ATRX: variants seen among roughly 807,000 people sequenced by gnomAD.
The protein encoded by ATRX is ATRX chromatin remodeler.
In ATRX, 12 loss-of-function variants were observed where a neutral mutation model predicts 172.6. The observed-to-expected ratio is 0.07, with a 90% confidence interval of 0.04 to 0.11. The LOEUF (loss-of-function observed/expected upper bound fraction) is 0.11, where lower values mean the gene tolerates loss of function less well. ATRX is among the 10% of genes least tolerant of loss of function. ATRX has a pLI of 1.00. For synonymous variants in ATRX, 674 were observed against 594.7 expected (o/e 1.13, Z -1.94); for missense variants, 1,368 against 1,767.4 (o/e 0.77, Z 4.05).
intron 30 of ATRX, among the ~76,000 whole-genome samples, chrX:77,524,448 G>C (rs782712887): frequency 5.0e-4 from 56 of 111,502 alleles, no homozygotes; most frequent in Non-Finnish European, 7.9e-4. Flanking sequence ...TTTTTGCATA[G>C]ACAAAGCCCA....
chrX:77,737,100 A>C (rs1183162661), intron 1 of ATRX, among the ~76,000 whole-genome samples: 2 of 103,997 alleles, frequency 1.9e-5, no homozygotes, highest in African/African-American at 3.5e-5. Context: ...TAATGGGTAC[A>C]AAAAAAAAAA....
intron 19 of ATRX, among the ~76,000 whole-genome samples, chrX:77,626,562 T>C (rs993955554): frequency 1.8e-5 from 2 of 112,038 alleles, no homozygotes; most frequent in Non-Finnish European, 3.8e-5. Context: ...CATTTGTATA[T>C]TTTTGCTGTA....
chrX:77,549,802 G>A (rs2064398786), intron 30 of ATRX, among the ~76,000 whole-genome samples: 1 of 111,899 alleles, frequency 8.9e-6, no homozygotes, highest in Admixed American at 9.5e-5. Context: ...AGCAGCAACA[G>A]TAAGAATCCA....
At chrX:77,678,635 C>T (rs2071033849) in intron 9 of ATRX, among the ~76,000 whole-genome samples, 2 of 110,915 alleles carry the variant, frequency 1.8e-5, no homozygotes, top group African/African-American at 6.6e-5. Flanking sequence ...TACAGGTGTG[C>T]GCCACTACAC....
At chrX:77,624,259 C>T (rs887906509) in intron 19 of ATRX, among the ~76,000 whole-genome samples, 5 of 110,732 alleles carry the variant, frequency 4.5e-5, no homozygotes, top group Admixed American at 2.9e-4. Flanking sequence ...CCCAGCTACT[C>T]GGGAGGCTGA....
At chrX:77,566,030 A>G (rs570006177) in intron 28 of ATRX, among the ~76,000 whole-genome samples, 3 of 111,041 alleles carry the variant, frequency 2.7e-5, no homozygotes, top group African/African-American at 9.8e-5. Flanking sequence ...CCATGGGACT[A>G]TAACAAAAGA....
At chrX:77,650,389 C>T (rs978963733) in intron 15 of ATRX, among the ~76,000 whole-genome samples, 4 of 111,610 alleles carry the variant, frequency 3.6e-5, no homozygotes, top group South Asian at 7.4e-4. Flanking sequence ...AACTGTACCA[C>T]AGGGATGCAA....
intron 30 of ATRX, among the ~76,000 whole-genome samples, chrX:77,552,404 T>G (rs145398872): frequency 2.2e-5 from 2 of 92,295 alleles, no homozygotes; most frequent in Non-Finnish European, 4.1e-5. Flanking sequence ...TAGGTGGGAA[T>G]TGAACAATGA....
At chrX:77,646,921 T>C (rs1239177257) in intron 15 of ATRX, among the ~76,000 whole-genome samples, 1 of 105,542 alleles carries the variant, frequency 9.5e-6, no homozygotes, top group Non-Finnish European at 1.9e-5. Flanking sequence ...AGACACTGTG[T>C]CTTTAAAAAA....
In ATRX at chrX:77,682,532, A is replaced by AAGG. The variant is rs782745601; in HGVS notation, c.2723_2724insCCT (p.Leu908dup). The AAGG allele has an allele frequency of 8.3e-7, 1 of 1,211,370 alleles. No homozygotes were observed. Among genetic ancestry groups the AAGG allele is most frequent in the Non-Finnish European group, 1.1e-6 (1 of 895,399 alleles). ...AAGCACTTGCTTGCTGCTTCTTAGG[A>AAGG]AGTCGATCTCTTAATTCCATGATGG... On this transcript the variant is annotated inframe_insertion, in exon 9 of 35. Transcript: ENST00000373344.
chrX:77,591,533 A>G (rs2066253923), intron 26 of ATRX, among the ~76,000 whole-genome samples: 1 of 112,057 alleles, frequency 8.9e-6, no homozygotes, highest in African/African-American at 3.2e-5. Flanking sequence ...GTAGAACTGA[A>G]AACAATTGAA....
chrX:77,544,940 C>A (rs1871210748), intron 30 of ATRX, among the ~76,000 whole-genome samples: 1 of 111,162 alleles, frequency 9.0e-6, no homozygotes, highest in Non-Finnish European at 1.9e-5. Flanking sequence ...AAACAAACAA[C>A]CCCATCAAAA....
At chrX:77,691,816 T>C (rs782657438) in intron 6 of ATRX, among the ~76,000 whole-genome samples, 2 of 111,975 alleles carry the variant, frequency 1.8e-5, no homozygotes, top group South Asian at 7.3e-4. Flanking sequence ...TCTATATATG[T>C]GTATATAAAG....
chrX:77,751,217 G>A (rs1250627439), intron 1 of ATRX, among the ~76,000 whole-genome samples: 12 of 112,089 alleles, frequency 1.1e-4, no homozygotes, highest in African/African-American at 3.2e-4. Context: ...TTTAATAATC[G>A]CCATTCTAAC....
chrX:77,747,521 C>CA (rs2075131697), intron 1 of ATRX, among the ~76,000 whole-genome samples: 1 of 110,742 alleles, frequency 9.0e-6, no homozygotes, highest in Non-Finnish European at 1.9e-5. Flanking sequence ...GAGACTGTCT[C>CA]AAAAAAAGGG....
At chrX:77,549,574 TTAAGAA>T (rs1177569521) in intron 30 of ATRX, among the ~76,000 whole-genome samples, 1 of 112,366 alleles carries the variant, frequency 8.9e-6, no homozygotes, top group African/African-American at 3.2e-5. Flanking sequence ...ACACAAGCCA[TTAAGAA>T]TAAGTTAACA....
chrX:77,676,724 A>G (rs1427519245), intron 9 of ATRX, among the ~76,000 whole-genome samples: 3 of 112,770 alleles, frequency 2.7e-5, no homozygotes, highest in Non-Finnish European at 5.6e-5. Flanking sequence ...TTTAAAATGC[A>G]GTTGAATGTG....
chrX:77,754,129 T>C (rs2075401430), intron 1 of ATRX, among the ~76,000 whole-genome samples: 1 of 111,839 alleles, frequency 8.9e-6, no homozygotes, highest in Non-Finnish European at 1.9e-5. Context: ...TGGTTTAAAG[T>C]CTGTTTTATC....
chrX:77,690,086 A>T (rs1452115427), intron 6 of ATRX, among the ~76,000 whole-genome samples: 1 of 112,077 alleles, frequency 8.9e-6, no homozygotes, highest in Non-Finnish European at 1.9e-5. Flanking sequence ...CTTTAAAAAA[A>T]TTTTTAAGAG....
Sources: gnomAD v4.1 joint callset for allele counts (sites outside exome capture counted in the v4.1 genomes callset) on GRCh38, gnomAD v4.1.1 for gene constraint, MANE v1.5 for transcripts, NCBI Gene and HGNC (gene_info 2026-07-23, HGNC 2026-07-21) for gene names.